The following PRDM6 variants were observed in gnomAD, a reference collection of about 807,000 sequenced individuals.
PRDM6 encodes PR/SET domain 6, also known as putative histone-lysine N-methyltransferase PRDM6.
In PRDM6, 25 loss-of-function variants were observed where a neutral mutation model predicts 60.8. The ratio of observed to expected loss-of-function variants is 0.41; its 90% CI spans 0.30 to 0.57. The LOEUF (loss-of-function observed/expected upper bound fraction) is 0.57. Ranked by LOEUF, PRDM6 falls within the 20% of genes least tolerant of loss-of-function variation. The pLI, the probability that PRDM6 is intolerant of heterozygous loss-of-function variation, is 0.27. For missense variants in PRDM6, 839 were observed against 821.3 expected (o/e 1.02, Z -0.26); for synonymous variants, 407 against 357.4 (o/e 1.14, Z -1.57).
intron 3 of PRDM6, among the ~76,000 whole-genome samples, chr5:123,151,347 C>T (rs769791548): frequency 1.3e-5 from 2 of 152,088 alleles, no homozygotes; most frequent in Non-Finnish European, 2.9e-5. Context: ...CCAGGGAACC[C>T]GTTCGGGGAG....
At chr5:123,163,989 G>A (rs530840589) in intron 5 of PRDM6, among the ~76,000 whole-genome samples, 7 of 152,248 alleles carry the variant, frequency 4.6e-5, no homozygotes, top group African/African-American at 1.7e-4. Context: ...TCCACCAACA[G>A]CGAGAAACTA....
Position 123,187,237 on chromosome 5 carries a change from T to A in PRDM6, c.*36T>A. 1 of 1,478,320 alleles carries A rather than the reference T, an allele frequency of 6.8e-7. No homozygotes were observed. Among genetic ancestry groups the A allele is most frequent in the South Asian group, 1.2e-5 (1 of 82,340 alleles). The allele number at this position is 1,478,320 out of a possible 1,614,324, so 91.6% of individuals were successfully genotyped here. Reference sequence around the variant, plus strand: ...GGTTGGAATTAAACTGCAAGGAAAGTCATGATTAAATGTCACGGACACTTA... The same window carrying A: ...GGTTGGAATTAAACTGCAAGGAAAGACATGATTAAATGTCACGGACACTTA... On this transcript the variant is annotated 3_prime_UTR_variant, in exon 8 of 8. Coordinates refer to ENST00000407847, the MANE Select transcript of PRDM6 (RefSeq NM_001136239.4).
Position 123,090,200 on chromosome 5 carries a change from T to A in PRDM6, c.186T>A (p.Ala62=), listed in dbSNP as rs1443665875. The A allele has an allele frequency of 1.1e-5, 17 of 1,485,608 alleles. No individual in the cohort carries two copies. Among genetic ancestry groups the A allele is most frequent in the Admixed American group, 2.3e-5 (1 of 42,964 alleles). 92.0% of individuals were successfully genotyped at this position (1,485,608 alleles called of 1,614,324 possible). ...CGCCGCCCCCGCCCCCGGAGCGCGC[T>A]GAGCCTCCGCCGGACAGCCTGCGCC... ...PPPPPPPPER[A]EPPPDSLRPR... The change falls in exon 2 of 8, where the codon GCT becomes GCA. Residue 62 remains alanine, a synonymous_variant. Transcript: ENST00000407847.
intron 3 of PRDM6, among the ~76,000 whole-genome samples, chr5:123,138,224 T>C (rs1454265822): frequency 6.6e-6 from 1 of 152,222 alleles, no homozygotes; most frequent in Non-Finnish European, 1.5e-5. Flanking sequence ...ATATGACTTA[T>C]GATACCAAAA....
intron 3 of PRDM6, among the ~76,000 whole-genome samples, chr5:123,137,628 C>T (rs1007108635): frequency 1.3e-5 from 2 of 152,026 alleles, no homozygotes; most frequent in South Asian, 2.1e-4. Context: ...ATCACACACC[C>T]GGGCCTGTCA....
intron 3 of PRDM6, among the ~76,000 whole-genome samples, chr5:123,142,864 G>A (rs1580513597): frequency 3.4e-5 from 1 of 29,146 alleles, no homozygotes; most frequent in African/African-American, 1.4e-4. Context: ...CAAAATGAAA[G>A]CACAGTGAAG....
intron 2 of PRDM6, among the ~76,000 whole-genome samples, chr5:123,095,397 G>C (rs989220837): frequency 6.6e-6 from 1 of 152,250 alleles, no homozygotes; most frequent in Non-Finnish European, 1.5e-5. Flanking sequence ...AGAAGGCAGT[G>C]GGGGGACCGC....
At chr5:123,166,102 G>A (rs1204461590) in intron 5 of PRDM6, among the ~76,000 whole-genome samples, 6 of 152,050 alleles carry the variant, frequency 3.9e-5, no homozygotes, top group Non-Finnish European at 8.8e-5. Context: ...AGATATTTCC[G>A]TGGCCTGTCC....
At chr5:123,148,419 A>G (rs1765295680) in intron 3 of PRDM6, among the ~76,000 whole-genome samples, 1 of 152,214 alleles carries the variant, frequency 6.6e-6, no homozygotes. Flanking sequence ...AGAAACAACA[A>G]CAAAGTAAGT....
intron 2 of PRDM6, among the ~76,000 whole-genome samples, chr5:123,092,819 C>T (rs1763871407): frequency 6.6e-6 from 1 of 152,186 alleles, no homozygotes. Context: ...ATCTCCCATT[C>T]TTCCAGGAAC....
chr5:123,099,282 A>ACG lies in PRDM6; in HGVS notation c.593-372_593-371insCG, dbSNP rs540262138. ...TCAGAAGGAACGAGAGACAGTAGGG[A>ACG]AGAGAGAGAGAGAGACAGAGACAGA... On this transcript the variant is annotated intron_variant, in intron 2 of 7. Coordinates refer to ENST00000407847, the MANE Select transcript of PRDM6 (RefSeq NM_001136239.4). The surrounding 1 kb of genome is among the most constrained non-coding windows in gnomAD (Gnocchi z 4.0). Among the ~76,000 whole-genome samples, 10 of 151,120 alleles carry ACG rather than the reference A, an allele frequency of 6.6e-5. No homozygotes were observed. The highest frequency in any genetic ancestry group is 6.6e-4 in the Admixed American group (10 of 15,186).
chr5:123,182,293 G>A (rs766263360), intron 7 of PRDM6, among the ~76,000 whole-genome samples: 1 of 152,230 alleles, frequency 6.6e-6, no homozygotes, highest in Non-Finnish European at 1.5e-5. Context: ...CTGGAGGAGG[G>A]TGTTGACAAT....
chr5:123,090,340 C>T lies in PRDM6; in HGVS notation c.326C>T (p.Ser109Leu), dbSNP rs1225486719. The change falls in exon 2 of 8, where the codon TCG (serine) becomes TTG (leucine). Residue 109 changes from serine (S) to leucine (L), a missense_variant. This residue lies in a region of PRDM6 where 730 missense variants were observed against 648.8 expected (regional missense o/e 1.13). Coordinates refer to ENST00000407847, the MANE Select transcript of PRDM6 (RefSeq NM_001136239.4). ...AAAAAALAGL[S>L]ALPVSQLPVF... ...GCTGCCGCCGCGCTGGCTGGTCTCT[C>T]GGCCCTGCCGGTGTCGCAGCTGCCG... 4.7e-6 allele frequency: 7 copies of T among 1,474,586 alleles called. No individual in the cohort carries two copies. The East Asian group carries it at 1.2e-4, about 25-fold the overall frequency. The allele number at this position is 1,474,586 out of a possible 1,614,324, so 91.3% of individuals were successfully genotyped here. A position where few individuals can be genotyped will look rare whatever the true frequency, so the allele number is the denominator to read the frequency against.
chr5:123,103,581 G>C (rs73796826), intron 3 of PRDM6, among the ~76,000 whole-genome samples: 42 of 151,910 alleles, frequency 2.8e-4, no homozygotes, highest in African/African-American at 9.9e-4. Flanking sequence ...GAAGTGAAAA[G>C]GCACATTTGA....
At chr5:123,098,816 C>A (rs1474340475) in intron 2 of PRDM6, among the ~76,000 whole-genome samples, 2 of 152,214 alleles carry the variant, frequency 1.3e-5, no homozygotes, top group African/African-American at 2.4e-5. Context: ...TCCAGAACAG[C>A]ACCCCGGTCC....
At chr5:123,184,049 G>A (rs1290649349) in intron 7 of PRDM6, among the ~76,000 whole-genome samples, 1 of 152,078 alleles carries the variant, frequency 6.6e-6, no homozygotes, top group Non-Finnish European at 1.5e-5. Flanking sequence ...AATTCCAAAG[G>A]ACATCTAATA....
intron 3 of PRDM6, among the ~76,000 whole-genome samples, chr5:123,148,876 A>C (rs146270203): frequency 1.5e-4 from 23 of 152,344 alleles, no homozygotes; most frequent in African/African-American, 5.5e-4. Flanking sequence ...TGAAAAAAGC[A>C]ATAACATGGT....
chr5:123,104,920 G>T (rs572229746), intron 3 of PRDM6, among the ~76,000 whole-genome samples: 1 of 152,032 alleles, frequency 6.6e-6, no homozygotes, highest in African/African-American at 2.4e-5. Flanking sequence ...TGGTCCTTTT[G>T]GTTTATGTAT....
At chr5:123,164,999 G>GT (rs1351597277) in intron 5 of PRDM6, among the ~76,000 whole-genome samples, 1 of 152,130 alleles carries the variant, frequency 6.6e-6, no homozygotes, top group East Asian at 1.9e-4. Context: ...CTCCAGAGCT[G>GT]TTAAACTCCT....
Sources: allele counts gnomAD v4.1 joint callset (sites outside exome capture counted in the v4.1 genomes callset), GRCh38; gene constraint gnomAD v4.1.1; regional missense constraint gnomAD v4.1.1; non-coding constraint Gnocchi (gnomAD v3.1); transcripts MANE v1.5; gene names NCBI Gene and HGNC (gene_info 2026-07-23, HGNC 2026-07-21).